CLVS1: variants seen among roughly 807,000 people sequenced by gnomAD.
CLVS1 encodes clavesin 1, also known as clavesin-1.
Under a neutral mutation model 33.1 loss-of-function variants are expected in CLVS1, and 10 were observed. The ratio of observed to expected loss-of-function variants is 0.30; its 90% confidence interval spans 0.19 to 0.51. The LOEUF (loss-of-function observed/expected upper bound fraction) is 0.51. Among genes scored for constraint, CLVS1 ranks in the 20% least tolerant of loss-of-function variants. CLVS1 has a pLI of 0.97. For missense variants in CLVS1, 343 were observed against 433.4 expected (o/e 0.79, Z 1.85); for synonymous variants, 163 against 166.1 (o/e 0.98, Z 0.14).
chr8:61,184,707 A>C (rs1409109633), intron 2 of CLVS1, among the ~76,000 whole-genome samples: 1 of 152,158 alleles, frequency 6.6e-6, no homozygotes, highest in African/African-American at 2.4e-5. Flanking sequence ...AGATGCCAGG[A>C]AGTTACCTGG....
chr8:61,444,884 G>A (rs1413334126), intron 3 of CLVS1, among the ~76,000 whole-genome samples: 2 of 152,154 alleles, frequency 1.3e-5, no homozygotes, highest in Admixed American at 6.5e-5. Flanking sequence ...TAGGGTAAGG[G>A]AATAGTGGCC....
At chr8:60,988,520 T>TG in the CLVS1 span, among the ~76,000 whole-genome samples, 1 of 150,796 alleles carries the variant, frequency 6.6e-6, no homozygotes, top group Non-Finnish European at 1.5e-5. Context: ...AAACAGCTGC[T>TG]GAAAAAAAAA....
rs530028399 is a variant in CLVS1 at position 61,499,827 on chromosome 8, T to C, written c.*285T>C. 2.9e-5 allele frequency: 7 copies of C among 243,690 alleles called. No homozygotes were observed. Among genetic ancestry groups the C allele is most frequent in the Non-Finnish European group, 5.7e-5 (7 of 123,712 alleles). The allele number at this position is 243,690 out of a possible 1,614,324, so 15.1% of individuals were successfully genotyped here. A position where few individuals can be genotyped will look rare whatever the true frequency, so the allele number is the denominator to read the frequency against. ...TCCTTTCATATTTATTGTAGTAAAT[T>C]GAAAAAATAAAGACTAAATTTGATG... On this transcript the variant is annotated 3_prime_UTR_variant, in exon 6 of 6. Transcript: ENST00000325897.
chr8:60,998,246 A>G, the CLVS1 span, among the ~76,000 whole-genome samples: 2 of 152,142 alleles, frequency 1.3e-5, no homozygotes, highest in Non-Finnish European at 2.9e-5. Flanking sequence ...AGGGGTGCTG[A>G]GTCAATGCTG....
At chr8:61,222,863 T>C (rs189851731) in intron 2 of CLVS1, among the ~76,000 whole-genome samples, 1 of 152,218 alleles carries the variant, frequency 6.6e-6, no homozygotes, top group East Asian at 1.9e-4. Context: ...TGAGTGCATA[T>C]ATATTTAGGA....
At chr8:61,273,313 G>T (rs1031734881) in intron 2 of CLVS1, among the ~76,000 whole-genome samples, 1 of 152,198 alleles carries the variant, frequency 6.6e-6, no homozygotes, top group South Asian at 2.1e-4. Context: ...GGGGGTCAGG[G>T]TTCAGGGACC....
chr8:61,427,896 C>T (rs78891426), intron 3 of CLVS1, among the ~76,000 whole-genome samples: 1,737 of 152,282 alleles, frequency 0.011, 40 homozygotes, highest in African/African-American at 0.04. Context: ...CCTCCTTCTC[C>T]GGAGAGCCCT....
At chr8:61,033,267 C>T in the CLVS1 span, among the ~76,000 whole-genome samples, 1 of 152,192 alleles carries the variant, frequency 6.6e-6, no homozygotes, top group Non-Finnish European at 1.5e-5. Context: ...CACTGCTTAG[C>T]TCTTCTAAGT....
intron 2 of CLVS1, among the ~76,000 whole-genome samples, chr8:61,247,877 G>T (rs1435995508): frequency 6.6e-6 from 1 of 152,118 alleles, no homozygotes; most frequent in Non-Finnish European, 1.5e-5. Context: ...GTCCAGGATG[G>T]GAGTGCCTAG....
chr8:61,232,023 G>GTTTGTTTGTTTGTTTTTTTTTTTTTTT, intron 2 of CLVS1, among the ~76,000 whole-genome samples: 6 of 62,658 alleles, frequency 9.6e-5, no homozygotes, highest in South Asian at 4.9e-4. Context: ...GAAAGTTGTG[G>GTTTGTTTGTTTGTTTTTTTTTTTTTTT]TTTTTTTTTT....
intron 1 of CLVS1, among the ~76,000 whole-genome samples, chr8:61,093,613 T>A (rs1805293750): frequency 1.3e-5 from 2 of 152,242 alleles, no homozygotes; most frequent in South Asian, 4.1e-4. Context: ...GTGCTGCATG[T>A]CATAAATTAA....
At position 61,064,923 on chromosome 8, in the gene CLVS1, G is replaced by A. The variant is rs1563389599; in HGVS notation, c.-243+7693G>A. ...TCACCAAGTTGGCCAGGCTGGTCTC[G>A]AACTCCTGACCTCAGGTGATCCGCA... On this transcript the variant is annotated intron_variant, in intron 1 of 2. Transcript: ENST00000522621. Among the ~76,000 whole-genome samples the A allele has an allele frequency of 2.6e-5, 4 of 152,156 alleles. 1 individual carries two copies. The highest frequency in any genetic ancestry group is 2.6e-4 in the Admixed American group (4 of 15,282).
chr8:61,189,606 G>A (rs950516361), intron 2 of CLVS1, among the ~76,000 whole-genome samples: 78 of 152,204 alleles, frequency 5.1e-4, no homozygotes, highest in Non-Finnish European at 3.4e-4. Flanking sequence ...AGACCCATCA[G>A]TGTGCTGTAT....
the CLVS1 span, among the ~76,000 whole-genome samples, chr8:61,045,735 G>A: frequency 6.6e-6 from 1 of 152,174 alleles, no homozygotes; most frequent in Non-Finnish European, 1.5e-5. Context: ...ACAATTTTAG[G>A]TAACCTGGTT....
the CLVS1 span, among the ~76,000 whole-genome samples, chr8:61,010,959 G>A: frequency 1.3e-5 from 2 of 152,230 alleles, no homozygotes; most frequent in Non-Finnish European, 2.9e-5. Flanking sequence ...CACGTTAGGC[G>A]GAAGGACACA....
chr8:61,146,167 A>G (rs1806410297), intron 2 of CLVS1, among the ~76,000 whole-genome samples: 1 of 152,194 alleles, frequency 6.6e-6, no homozygotes, highest in South Asian at 2.1e-4. Context: ...GTGGCTTCAC[A>G]GGAAAAAAAA....
chr8:61,153,325 T>A (rs758602082), intron 2 of CLVS1, among the ~76,000 whole-genome samples: 29 of 152,184 alleles, frequency 1.9e-4, no homozygotes, highest in Admixed American at 1.2e-3. Flanking sequence ...TGATGCCTAA[T>A]CAAGAAGCTG....
intron 5 of CLVS1, among the ~76,000 whole-genome samples, chr8:61,462,352 T>C (rs932241329): frequency 7.9e-5 from 12 of 152,322 alleles, no homozygotes; most frequent in Middle Eastern, 3.4e-3. Flanking sequence ...AGCTATAGTC[T>C]TATGAAATGT....
intron 2 of CLVS1, among the ~76,000 whole-genome samples, chr8:61,302,140 G>A (rs1403812094): frequency 1.3e-5 from 2 of 152,114 alleles, no homozygotes; most frequent in African/African-American, 4.8e-5. Flanking sequence ...CTGTTTTGTG[G>A]TTGATAATTT....
Sources: gnomAD v4.1 joint callset for allele counts (sites outside exome capture counted in the v4.1 genomes callset) on GRCh38, gnomAD v4.1.1 for gene constraint, MANE v1.5 for transcripts, NCBI Gene and HGNC (gene_info 2026-07-23, HGNC 2026-07-21) for gene names.